CELF2: variants seen among roughly 807,000 people sequenced by gnomAD.
The protein encoded by CELF2 is CUG triplet repeat RNA-binding protein 2.
A neutral mutation model predicts 62.6 loss-of-function variants in CELF2; 8 were observed. That is an observed-to-expected ratio of 0.13 (90% CI 0.07 to 0.23). The LOEUF (loss-of-function observed/expected upper bound fraction) is 0.23, where lower values mean the gene tolerates loss of function less well. Ranked by LOEUF, CELF2 falls within the 10% of genes least tolerant of loss-of-function variation. The pLI is 1.00. For synonymous variants in CELF2, 258 were observed against 250.0 expected (o/e 1.03, Z -0.30); for missense variants, 333 against 671.0 (o/e 0.50, Z 5.56).
chr10:10,497,449 G>A, the CELF2 span, among the ~76,000 whole-genome samples: 1 of 152,136 alleles, frequency 6.6e-6, no homozygotes, highest in African/African-American at 2.4e-5. Context: ...ATGATTATCT[G>A]CCTACTGAAT....
the CELF2 span, among the ~76,000 whole-genome samples, chr10:10,462,615 C>CTTTTTTTTTTTTTTTTTTTTTTTGTT: frequency 1.4e-5 from 1 of 69,412 alleles, no homozygotes; most frequent in Non-Finnish European, 2.5e-5. Flanking sequence ...TTTTTTTCAT[C>CTTTTTTTTTTTTTTTTTTTTTTTGTT]TTTTTTTTTT....
At chr10:11,096,018 A>G (rs1351068044) in intron 1 of CELF2, among the ~76,000 whole-genome samples, 2 of 152,210 alleles carry the variant, frequency 1.3e-5, no homozygotes, top group Non-Finnish European at 2.9e-5. Flanking sequence ...ATAGGTATTA[A>G]CAGCTCCTTC....
chr10:10,477,984 T>G, the CELF2 span, among the ~76,000 whole-genome samples: 1 of 152,192 alleles, frequency 6.6e-6, no homozygotes, highest in African/African-American at 2.4e-5. Context: ...GATATGAGAT[T>G]ATCCCTGAGG....
the CELF2 span, among the ~76,000 whole-genome samples, chr10:10,580,452 A>G: frequency 6.6e-6 from 1 of 152,124 alleles, no homozygotes; most frequent in East Asian, 1.9e-4. Context: ...TACTCTTCTA[A>G]GCTCACAACC....
the CELF2 span, among the ~76,000 whole-genome samples, chr10:10,780,775 G>C: frequency 6.6e-6 from 1 of 151,972 alleles, no homozygotes; most frequent in Non-Finnish European, 1.5e-5. Context: ...CACTGCGCCC[G>C]GCAAACAGGG....
chr10:11,064,038 T>C (rs1394606206), intron 1 of CELF2, among the ~76,000 whole-genome samples: 1 of 152,238 alleles, frequency 6.6e-6, no homozygotes, highest in African/African-American at 2.4e-5. Flanking sequence ...GCAGATACTT[T>C]AAGGGTCTGC....
the CELF2 span, among the ~76,000 whole-genome samples, chr10:10,586,451 C>A: frequency 6.6e-6 from 1 of 152,034 alleles, no homozygotes. Flanking sequence ...AAACACATAC[C>A]CTAGTCCTTA....
At chr10:10,980,487 G>A (rs1044852281) in intron 2 of CELF2, among the ~76,000 whole-genome samples, 1 of 152,160 alleles carries the variant, frequency 6.6e-6, no homozygotes, top group Non-Finnish European at 1.5e-5. Context: ...TCCACATGCT[G>A]CTCAGCTCAC....
chr10:11,272,115 T>A (rs2084039355), intron 7 of CELF2, among the ~76,000 whole-genome samples: 1 of 152,194 alleles, frequency 6.6e-6, no homozygotes, highest in Non-Finnish European at 1.5e-5. Flanking sequence ...AGCTCTTCAG[T>A]ACATATTTGA....
chr10:10,780,264 C>T, the CELF2 span, among the ~76,000 whole-genome samples: 1 of 152,138 alleles, frequency 6.6e-6, no homozygotes, highest in Non-Finnish European at 1.5e-5. Flanking sequence ...GCTTCCCAAT[C>T]TCCCCTAATT....
chr10:10,504,208 G>C, the CELF2 span, among the ~76,000 whole-genome samples: 13 of 151,888 alleles, frequency 8.6e-5, no homozygotes, highest in African/African-American at 2.9e-4. Context: ...ATTCTTTCAT[G>C]GTTTTTTTCC....
Position 11,247,818 on chromosome 10 carries a change from A to G in CELF2, c.355-1335A>G, listed in dbSNP as rs543809765. Among the ~76,000 whole-genome samples, 17 of 152,236 alleles carry G rather than the reference A, an allele frequency of 1.1e-4. No individual in the cohort carries two copies. The South Asian group carries it at 3.5e-3, about 32-fold the overall frequency. ...TGCTGGTCCTTCTCTCCATTTCTATAGGATAGAGGTCACATTCCTCAGCCC... is the reference window on the plus strand; with the variant it reads ...TGCTGGTCCTTCTCTCCATTTCTATGGGATAGAGGTCACATTCCTCAGCCC... On this transcript the variant is annotated intron_variant, in intron 3 of 12. Transcript: ENST00000633077. The surrounding 1 kb of genome is among the most constrained non-coding windows in gnomAD (Gnocchi z 5.4).
intron 1 of CELF2, among the ~76,000 whole-genome samples, chr10:10,903,595 A>G (rs956862881): frequency 6.6e-6 from 1 of 152,230 alleles, no homozygotes; most frequent in African/African-American, 2.4e-5. Context: ...TTGACTCCGT[A>G]CATATTTCAG....
At chr10:10,778,864 G>T in the CELF2 span, among the ~76,000 whole-genome samples, 2 of 152,150 alleles carry the variant, frequency 1.3e-5, no homozygotes, top group East Asian at 3.9e-4. Flanking sequence ...TAAAATTTGT[G>T]CTGGGAGTCT....
the CELF2 span, among the ~76,000 whole-genome samples, chr10:10,527,006 C>T: frequency 0.91 from 138,169 of 152,312 alleles, 63,228 homozygotes; most frequent in South Asian, 0.97. Flanking sequence ...GTTATGGTTT[C>T]ATTACAAGTG....
chr10:10,561,441 G>A, the CELF2 span, among the ~76,000 whole-genome samples: 1 of 152,206 alleles, frequency 6.6e-6, no homozygotes, highest in African/African-American at 2.4e-5. Context: ...TTCAGTTGCT[G>A]AGACAGAGCA....
chr10:11,213,082 C>G (rs1225794931), intron 2 of CELF2, among the ~76,000 whole-genome samples: 1 of 150,864 alleles, frequency 6.6e-6, no homozygotes. Context: ...CCAGAGCCCC[C>G]TGGCCGGTCA....
Position 11,184,994 on chromosome 10 carries a change from A to C in CELF2, c.271+19312A>C, listed in dbSNP as rs1416302573. On this transcript the variant is annotated intron_variant, in intron 2 of 12. Transcript: ENST00000633077. ...AGACTTTTTCTTTACACTGAAAAGC[A>C]TGATGTAATGTATAGGTTTTTCACA... Among the ~76,000 whole-genome samples the C allele has an allele frequency of 2.0e-5, 3 of 152,222 alleles. No homozygotes were observed. In the East Asian group the frequency reaches 5.8e-4, roughly 29 times the overall value.
intron 2 of CELF2, among the ~76,000 whole-genome samples, chr10:10,996,401 AG>A (rs1452915624): frequency 6.6e-6 from 1 of 152,212 alleles, no homozygotes; most frequent in Non-Finnish European, 1.5e-5. Flanking sequence ...GGTGAAGGCA[AG>A]GATTTTATTC....
Sources: gnomAD v4.1 joint callset for allele counts (sites outside exome capture counted in the v4.1 genomes callset) on GRCh38, gnomAD v4.1.1 for gene constraint, Gnocchi (gnomAD v3.1) non-coding constraint, MANE v1.5 for transcripts, NCBI Gene and HGNC (gene_info 2026-07-23, HGNC 2026-07-21) for gene names.